Variants in ERC1 observed in about 807,000 individuals in gnomAD.
ERC1 encodes the protein RAB6 interacting protein 2.
In ERC1, 56 loss-of-function variants were observed where a neutral mutation model predicts 132.0. The ratio of observed to expected loss-of-function variants is 0.42; its 90% confidence interval spans 0.34 to 0.53. The LOEUF (loss-of-function observed/expected upper bound fraction) is 0.53, where lower values mean the gene tolerates loss of function less well. ERC1 is among the 20% of genes least tolerant of loss of function. ERC1 has a pLI of 0.03. For synonymous variants in ERC1, 478 were observed against 476.1 expected (o/e 1.00, Z -0.05); for missense variants, 1,202 against 1,349.9 (o/e 0.89, Z 1.72).
intron 14 of ERC1, among the ~76,000 whole-genome samples, chr12:1,278,201 G>T (rs979548306): frequency 1.1e-4 from 17 of 152,136 alleles, no homozygotes; most frequent in African/African-American, 4.1e-4. Context: ...TGCCATCTCT[G>T]GCTTGTTGAA....
At chr12:1,455,133 G>A (rs951083421) in intron 18 of ERC1, among the ~76,000 whole-genome samples, 2 of 152,162 alleles carry the variant, frequency 1.3e-5, no homozygotes, top group African/African-American at 2.4e-5. Flanking sequence ...TTGGAGTGTG[G>A]ATAATTTGAT....
At position 1,343,553 on chromosome 12, in the gene ERC1, A is replaced by C. The variant is rs1352852842; in HGVS notation, c.2781-28280A>C. Among the ~76,000 whole-genome samples, 4 of 152,112 alleles carry C rather than the reference A, an allele frequency of 2.6e-5. No individual in the cohort carries two copies. The East Asian group carries it at 7.7e-4, about 29-fold the overall frequency. On this transcript the variant is annotated intron_variant, in intron 15 of 18. Transcript: ENST00000360905. ...CTTGTAACTTGAGTTTAGTTATCTT[A>C]GTATTGATATTGAGTTATTTTTAGA...
intron 4 of ERC1, 66 bp downstream of exon 4, chr12:1,104,890 A>C: frequency 9.7e-7 from 1 of 1,035,464 alleles, no homozygotes; most frequent in Non-Finnish European, 1.5e-6. Context: ...AAAAACTTCC[A>C]TGTGTGAGTG....
intron 2 of ERC1, among the ~76,000 whole-genome samples, chr12:1,078,338 T>C (rs1318651071): frequency 6.6e-6 from 1 of 152,170 alleles, no homozygotes; most frequent in African/African-American, 2.4e-5. Context: ...CATCTTTTTA[T>C]TGAAGGTCTT....
chr12:1,066,405 C>T (rs1219162916), intron 2 of ERC1, among the ~76,000 whole-genome samples: 3 of 152,274 alleles, frequency 2.0e-5, no homozygotes, highest in African/African-American at 7.2e-5. Context: ...CCTTGTTTAT[C>T]AAATCAAGTG....
intron 16 of ERC1, among the ~76,000 whole-genome samples, chr12:1,386,297 A>T (rs2089338208): frequency 6.6e-6 from 1 of 150,526 alleles, no homozygotes; most frequent in East Asian, 2.0e-4. Flanking sequence ...TCAGCCTCCC[A>T]AAGTGTTGGG....
Position 1,480,892 on chromosome 12 carries a change from G to T in ERC1, c.3214-9201G>T, listed in dbSNP as rs112807806. ...GAAAAACTGCCTTTTTTCATGTGAT[G>T]CTCATGGTAAGGAAATGCAGACGCC... is the stretch of plus-strand genomic sequence containing the variant. On this transcript the variant is annotated intron_variant, in intron 18 of 18. Transcript: ENST00000360905. The T allele has an allele frequency of 3.4e-3, 2,365 of 702,416 alleles. 18 individuals carry two copies. The highest frequency in any genetic ancestry group is 0.031 in the African/African-American group (1,790 of 57,310). 43.5% of individuals were successfully genotyped at this position (702,416 alleles called of 1,614,324 possible). A position where few individuals can be genotyped will look rare whatever the true frequency, so the allele number is the denominator to read the frequency against.
chr12:1,343,133 A>G (rs1364734012), intron 15 of ERC1, among the ~76,000 whole-genome samples: 2 of 152,180 alleles, frequency 1.3e-5, no homozygotes, highest in African/African-American at 2.4e-5. Context: ...GAGCACCTGG[A>G]CTTAAAGCAG....
In ERC1 at chr12:1,083,440, T is replaced by C. The variant is rs1386324598; in HGVS notation, c.946T>C (p.Leu316=). 3 of 1,614,178 alleles carry C rather than the reference T, an allele frequency of 1.9e-6. No individual in the cohort carries two copies. The highest frequency in any genetic ancestry group is 1.7e-5 in the Admixed American group (1 of 60,024). ...ATCCATTAAGAAGCTTCTGGAAATG[T>C]TGCAGAGCAAAGGACTTTCTGCCAA... The part of the protein sequence containing the change: ...DESIKKLLEM[L]QSKGLSAKAT... The change falls in exon 3 of 19, where the codon TTG becomes CTG. Residue 316 remains leucine (L), a synonymous_variant. Coordinates refer to ENST00000360905, the MANE Select transcript of ERC1 (RefSeq NM_178040.4).
intron 18 of ERC1, among the ~76,000 whole-genome samples, chr12:1,467,955 G>A (rs189285274): frequency 2.0e-3 from 307 of 152,336 alleles, no homozygotes; most frequent in African/African-American, 6.3e-3. Flanking sequence ...AATGGAGAGC[G>A]GCTGTAAATA....
intron 7 of ERC1, among the ~76,000 whole-genome samples, chr12:1,120,140 AC>A (rs985010275): frequency 6.6e-6 from 1 of 151,924 alleles, no homozygotes; most frequent in African/African-American, 2.4e-5. Flanking sequence ...GATGCAGGCC[AC>A]CTCTCCTGGC....
chr12:1,130,722 T>C (rs1948681280), intron 7 of ERC1, among the ~76,000 whole-genome samples: 1 of 92,614 alleles, frequency 1.1e-5, no homozygotes, highest in African/African-American at 3.4e-5. Context: ...TTGTCAAGTA[T>C]GGGGTATCAA....
intron 18 of ERC1, among the ~76,000 whole-genome samples, chr12:1,465,170 C>G (rs899630576): frequency 6.6e-6 from 1 of 152,088 alleles, no homozygotes; most frequent in Non-Finnish European, 1.5e-5. Flanking sequence ...AGAGATGATG[C>G]TCCCCCAACT....
chr12:1,147,889 A>G (rs1321722422), intron 8 of ERC1, among the ~76,000 whole-genome samples: 1 of 152,170 alleles, frequency 6.6e-6, no homozygotes, highest in Non-Finnish European at 1.5e-5. Context: ...TATCACTTTC[A>G]TTAGGTCATA....
chr12:1,379,807 A>G (rs976212767), intron 16 of ERC1, among the ~76,000 whole-genome samples: 1 of 152,158 alleles, frequency 6.6e-6, no homozygotes, highest in African/African-American at 2.4e-5. Context: ...CAGAAGTGAC[A>G]TACCATCACT....
intron 16 of ERC1, among the ~76,000 whole-genome samples, chr12:1,393,859 C>CA (rs1286341214): frequency 2.7e-5 from 4 of 149,760 alleles, no homozygotes; most frequent in African/African-American, 9.8e-5. Flanking sequence ...ACTAAAACGA[C>CA]AAAAAAATTA....
At chr12:1,399,609 A>C (rs1017442331) in intron 16 of ERC1, among the ~76,000 whole-genome samples, 5 of 152,200 alleles carry the variant, frequency 3.3e-5, no homozygotes, top group African/African-American at 1.2e-4. Context: ...AGATTTGCCT[A>C]TTCTGGAGAT....
chr12:1,290,753 TCCCTCAGTTA>T (rs77270348), intron 15 of ERC1, among the ~76,000 whole-genome samples: 62,811 of 151,568 alleles, frequency 0.41, 13,605 homozygotes, highest in African/African-American at 0.53. Context: ...TATCCTGGGA[TCCCTCAGTTA>T]CCCTCAGTTA....
At chr12:1,144,614 G>GTATATATATATATATATATATACGTATA (rs142846830) in intron 8 of ERC1, among the ~76,000 whole-genome samples, 9 of 132,250 alleles carry the variant, frequency 6.8e-5, no homozygotes, top group African/African-American at 2.8e-4. Context: ...GAATTTTGTG[G>GTATATATATATATATATATATACGTATA]TATATATATA....
Sources: allele counts gnomAD v4.1 joint callset (sites outside exome capture counted in the v4.1 genomes callset), GRCh38; gene constraint gnomAD v4.1.1; transcripts MANE v1.5; gene names NCBI Gene and HGNC (gene_info 2026-07-23, HGNC 2026-07-21).